The following NDUFAF6 variants were observed in gnomAD, a reference collection of about 807,000 sequenced individuals.
The protein encoded by NDUFAF6 is NADH:ubiquinone oxidoreductase complex assembly factor 6.
Under a neutral mutation model 40.8 loss-of-function variants are expected in NDUFAF6, and 45 were observed. That is an observed-to-expected ratio of 1.10 (90% CI 0.87 to 1.42). NDUFAF6 has a LOEUF of 1.42. NDUFAF6 is among the 40% of genes most tolerant of loss of function. The pLI is 0.00. For synonymous variants in NDUFAF6, 185 were observed against 155.9 expected (o/e 1.19, Z -1.39); for missense variants, 435 against 418.5 (o/e 1.04, Z -0.34).
At chr8:94,934,630 C>G (rs1481803175) in intron 1 of NDUFAF6, among the ~76,000 whole-genome samples, 1 of 152,002 alleles carries the variant, frequency 6.6e-6, no homozygotes, top group Non-Finnish European at 1.5e-5. Flanking sequence ...TCCACCCACC[C>G]CAGCCTCCCA....
chr8:95,050,900 A>G (rs1831355936), intron 7 of NDUFAF6, among the ~76,000 whole-genome samples: 1 of 152,216 alleles, frequency 6.6e-6, no homozygotes, highest in South Asian at 2.1e-4. Context: ...GATAGAGGGA[A>G]AGTTGAAGGT....
At chr8:95,041,877 A>T (rs928151889) in intron 4 of NDUFAF6, among the ~76,000 whole-genome samples, 13 of 152,336 alleles carry the variant, frequency 8.5e-5, no homozygotes, top group Non-Finnish European at 1.6e-4. Context: ...TTTCAAAAGG[A>T]AATTTTCATA....
chr8:94,932,121 A>G, intron 1 of NDUFAF6: 1 of 1,606,892 alleles, frequency 6.2e-7, no homozygotes, highest in Non-Finnish European at 8.5e-7. Context: ...CAAATGTTAA[A>G]TGGTGAACTA....
upstream of NDUFAF6, chr8:95,024,974 C>T: frequency 7.7e-7 from 1 of 1,293,098 alleles, no homozygotes; most frequent in Non-Finnish European, 9.8e-7. Context: ...TGCGCGCCGA[C>T]GGCGGGGGGT....
At chr8:94,953,421 A>G (rs1238310445), upstream of NDUFAF6, among the ~76,000 whole-genome samples, 1 of 152,140 alleles carries the variant, frequency 6.6e-6, no homozygotes, top group Non-Finnish European at 1.5e-5. Context: ...GTCTAGAGAC[A>G]TGATACAGAA....
At chr8:95,036,509 A>T (rs930345808) in intron 3 of NDUFAF6, 8 of 1,288,532 alleles carry the variant, frequency 6.2e-6, no homozygotes, top group Non-Finnish European at 7.1e-6. Context: ...GTATTAGATT[A>T]GTTCTTTACC....
intron 2 of NDUFAF6, among the ~76,000 whole-genome samples, chr8:94,996,593 A>G (rs1165418917): frequency 2.6e-5 from 4 of 152,150 alleles, no homozygotes; most frequent in African/African-American, 4.8e-5. Context: ...CTGTGCTGGT[A>G]AATACAATGT....
Position 95,058,000 on chromosome 8 carries a change from T to C in NDUFAF6, c.*63T>C. 6.5e-7 allele frequency: 1 copy of C among 1,527,632 alleles called. No homozygotes were observed. The highest frequency in any genetic ancestry group is 8.9e-7 in the Non-Finnish European group (1 of 1,124,364). 94.6% of individuals were successfully genotyped at this position (1,527,632 alleles called of 1,614,324 possible). A position where few individuals can be genotyped will look rare whatever the true frequency, so the allele number is the denominator to read the frequency against. On this transcript the variant is annotated 3_prime_UTR_variant, in exon 9 of 9. Transcript: ENST00000396124. ...AGTTTTATAAAAGTTAGGATTCTTA[T>C]TTAGGAACAACAGGAAATGACTGTT...
chr8:94,932,078 C>T (rs761769608), intron 1 of NDUFAF6: 18 of 1,609,948 alleles, frequency 1.1e-5, no homozygotes, highest in Middle Eastern at 1.6e-4. Context: ...ACTCTGTGCC[C>T]GTGAGTCTTA....
intron 1 of NDUFAF6, among the ~76,000 whole-genome samples, chr8:94,899,559 TGAG>T: frequency 6.6e-6 from 1 of 152,356 alleles, no homozygotes; most frequent in African/African-American, 2.4e-5. Context: ...GGTTTATAAA[TGAG>T]GAAGCTGAGG....
At chr8:94,993,177 C>A (rs761839380) in intron 2 of NDUFAF6, among the ~76,000 whole-genome samples, 1 of 152,140 alleles carries the variant, frequency 6.6e-6, no homozygotes, top group Non-Finnish European at 1.5e-5. Flanking sequence ...CTGTCAGGAA[C>A]CTTATCTCCT....
intron 2 of NDUFAF6, among the ~76,000 whole-genome samples, chr8:95,101,714 A>T (rs1012611936): frequency 6.6e-6 from 1 of 152,228 alleles, no homozygotes; most frequent in Non-Finnish European, 1.5e-5. Flanking sequence ...ATTTCTTGTT[A>T]TCTTAATTGT....
intron 8 of NDUFAF6, 21 bp downstream of exon 8, chr8:95,052,251 G>A (rs755932400): frequency 6.2e-7 from 1 of 1,610,378 alleles, no homozygotes; most frequent in African/African-American, 1.3e-5. Flanking sequence ...TAACAGAGAA[G>A]GCTGTATAAT....
intron 2 of NDUFAF6, among the ~76,000 whole-genome samples, chr8:95,083,173 A>G (rs563887661): frequency 3.3e-5 from 5 of 152,324 alleles, no homozygotes; most frequent in African/African-American, 7.2e-5. Context: ...TAAATTGTGT[A>G]AGGTGATGCT....
chr8:94,928,732 G>A (rs1033244243), intron 1 of NDUFAF6: 7 of 152,182 alleles, frequency 4.6e-5, no homozygotes, highest in Admixed American at 1.3e-4. Context: ...CACTCCAAAC[G>A]CTCTAATCTA....
intron 2 of NDUFAF6, among the ~76,000 whole-genome samples, chr8:95,009,651 C>G (rs1352091104): frequency 6.6e-6 from 1 of 152,034 alleles, no homozygotes; most frequent in Non-Finnish European, 1.5e-5. Context: ...CCAGCCCAGA[C>G]AGAAAGTAGA....
At chr8:95,075,536 C>A in intron 9 of NDUFAF6, 1 of 1,048,802 alleles carries the variant, frequency 9.5e-7, no homozygotes, top group Non-Finnish European at 1.3e-6. Flanking sequence ...ATTTTATCCT[C>A]CCCAGGCCAA....
At chr8:95,065,339 C>G (rs750952789) in intron 9 of NDUFAF6, among the ~76,000 whole-genome samples, 1 of 152,110 alleles carries the variant, frequency 6.6e-6, no homozygotes, top group Non-Finnish European at 1.5e-5. Context: ...ATGGGAAGTC[C>G]CCTGGCTGGT....
chr8:95,045,668 A>T (rs1830663049), intron 5 of NDUFAF6, 21 bp downstream of exon 5: 1 of 1,576,948 alleles, frequency 6.3e-7, no homozygotes, highest in African/African-American at 1.3e-5. Context: ...TTTCTGTTTC[A>T]TACTTCTTTT....
Sources: allele counts gnomAD v4.1 joint callset (sites outside exome capture counted in the v4.1 genomes callset), GRCh38; gene constraint gnomAD v4.1.1; transcripts MANE v1.5; gene names NCBI Gene and HGNC (gene_info 2026-07-23, HGNC 2026-07-21).